MFHAS1: variants seen among roughly 807,000 people sequenced by gnomAD.
MFHAS1 encodes multifunctional ROCO family signaling regulator 1, also known as malignant fibrous histiocytoma-amplified sequence 1.
MFHAS1 carries 50 observed loss-of-function variants against 70.4 expected under a neutral mutation model. That is an observed-to-expected ratio of 0.71 (90% confidence interval 0.57 to 0.90). The LOEUF (loss-of-function observed/expected upper bound fraction) is 0.90. Ranked by LOEUF, MFHAS1 falls within the 40% of genes least tolerant of loss-of-function variation. The probability of loss-of-function intolerance (pLI) is 0.00; values close to 1 mark genes in which losing one functional copy is unlikely to be tolerated. For missense variants in MFHAS1, 1,795 were observed against 1,347.6 expected, an observed-to-expected ratio of 1.33 and a Z score of -5.20; for synonymous variants, 952 against 620.0, an observed-to-expected ratio of 1.54 and a Z score of -7.96.
At position 8,892,932 on chromosome 8, in the gene MFHAS1, C is replaced by A; in HGVS notation, c.127G>T (p.Ala43Ser). ...TLTAAGACPGAGADALESPAS... is the reference protein window; with the variant it reads ...TLTAAGACPGSGADALESPAS... The stretch of plus-strand genomic sequence containing the variant: ...GGGGACTCGAGCGCGTCGGCCCCGG[C>A]CCCGGGGCAGGCCCCGGCGGCGGTA... The change falls in exon 1 of 3, where the codon GCC (alanine) becomes TCC (serine). Residue 43 changes from alanine (A) to serine (S), a missense_variant. Physicochemically the swap from Ala to Ser is moderately conservative, Grantham distance 99 (BLOSUM62 1). Coordinates refer to ENST00000276282, the MANE Select transcript of MFHAS1 (RefSeq NM_004225.3). The surrounding 1 kb of genome is among the most constrained non-coding windows in gnomAD (Gnocchi z 4.7). 6.5e-7 allele frequency: 1 copy of A among 1,548,938 alleles called. No homozygotes were observed. Among genetic ancestry groups the A allele is most frequent in the Non-Finnish European group, 8.7e-7 (1 of 1,150,788 alleles).
chr8:8,843,678 G>A (rs145434054), intron 1 of MFHAS1, among the ~76,000 whole-genome samples: 428 of 152,258 alleles, frequency 2.8e-3, no homozygotes, highest in African/African-American at 9.8e-3. Flanking sequence ...AGGTGAGCAG[G>A]TCCGGTGTGG....
intron 1 of MFHAS1, among the ~76,000 whole-genome samples, chr8:8,857,829 G>C (rs1440262015): frequency 6.6e-6 from 1 of 152,084 alleles, no homozygotes; most frequent in Non-Finnish European, 1.5e-5. Context: ...CAGTGACATT[G>C]ACAAGTTAAC....
chr8:8,891,286 G>T lies in MFHAS1; in HGVS notation c.1773C>A (p.Pro591=). The T allele has an allele frequency of 6.2e-7, 1 of 1,611,772 alleles. No homozygotes were observed. Residue 591 remains proline, a synonymous_variant, in exon 1 of 3, where the codon CCC becomes CCA. Coordinates refer to ENST00000276282, the MANE Select transcript of MFHAS1 (RefSeq NM_004225.3). This position sits in a 1 kb window ranked among gnomAD's most constrained non-coding sequence, Gnocchi z 5.4. Reference sequence around the variant, plus strand: ...CCGAAACGCCATAGTAGGCTGCGTGGGGGCTGGCAGAGCGCAGCTCGAAGT... The same window carrying T: ...CCGAAACGCCATAGTAGGCTGCGTGTGGGCTGGCAGAGCGCAGCTCGAAGT... ...ARDFELRSAS[P]HAAYYGVSDK...
In MFHAS1 at chr8:8,804,599, G is replaced by A. The variant is rs570358315; in HGVS notation, c.2999-7108C>T. 2.0e-5 allele frequency among the ~76,000 whole-genome samples: 3 copies of A among 152,234 alleles called. No individual in the cohort carries two copies. In the South Asian group the frequency reaches 6.2e-4, roughly 32 times the overall value. ...TATCTTCAGTGAGTATTCATGGCCT[G>A]GTCACTAGGCAACACTAAACAAACT... On this transcript the variant is annotated intron_variant, in intron 1 of 2. Coordinates refer to ENST00000276282, the MANE Select transcript of MFHAS1 (RefSeq NM_004225.3).
intron 1 of MFHAS1, among the ~76,000 whole-genome samples, chr8:8,882,929 G>C (rs1369244434): frequency 6.6e-6 from 1 of 152,196 alleles, no homozygotes; most frequent in East Asian, 1.9e-4. Flanking sequence ...GAGGAGGGAG[G>C]ATCATCTGAG....
intron 1 of MFHAS1, among the ~76,000 whole-genome samples, chr8:8,823,181 C>T (rs1034177807): frequency 7.9e-5 from 12 of 152,202 alleles, no homozygotes; most frequent in African/African-American, 2.7e-4. Flanking sequence ...TAACTACAAA[C>T]GGTTTTTCTC....
intron 1 of MFHAS1, among the ~76,000 whole-genome samples, chr8:8,884,475 A>C (rs988284258): frequency 2.6e-5 from 4 of 152,242 alleles, no homozygotes; most frequent in African/African-American, 4.8e-5. Context: ...ACTTAGATAT[A>C]ATAAGGCAAG....
At chr8:8,854,889 TGGGTTTTTG>T (rs1808378747) in intron 1 of MFHAS1, among the ~76,000 whole-genome samples, 1 of 152,080 alleles carries the variant, frequency 6.6e-6, no homozygotes, top group Non-Finnish European at 1.5e-5. Flanking sequence ...TTTTTGGTTT[TGGGTTTTTG>T]GGGTTTTGTT....
At position 8,890,049 on chromosome 8, in the gene MFHAS1, C is replaced by G; in HGVS notation, c.2998+12G>C. 1.3e-6 allele frequency: 2 copies of G among 1,570,948 alleles called. No individual in the cohort carries two copies. The highest frequency in any genetic ancestry group is 1.7e-6 in the Non-Finnish European group (2 of 1,153,756). ...GCATACCACAGAAGAACTTCTCCCT[C>G]TCTCCACTTACCTGGAAAAGCATGT... On this transcript the variant is annotated intron_variant, in intron 1 of 2. Transcript: ENST00000276282.
At chr8:8,872,216 T>C (rs1024033582) in intron 1 of MFHAS1, among the ~76,000 whole-genome samples, 12 of 152,220 alleles carry the variant, frequency 7.9e-5, no homozygotes, top group African/African-American at 2.2e-4. Flanking sequence ...TATTTGTCTA[T>C]GACCAAAGAA....
At chr8:8,852,246 G>C (rs1964719) in intron 1 of MFHAS1, among the ~76,000 whole-genome samples, 52,793 of 152,022 alleles carry the variant, frequency 0.35, 10,661 homozygotes, top group East Asian at 0.74. Context: ...AGCCGAGGCG[G>C]GCAGATCACT....
chr8:8,801,574 T>A (rs1806085971), intron 1 of MFHAS1, among the ~76,000 whole-genome samples: 1 of 152,252 alleles, frequency 6.6e-6, no homozygotes, highest in African/African-American at 2.4e-5. Context: ...AGCTTTTTCC[T>A]TTCAAAATGA....
At chr8:8,820,422 C>A (rs1018214044) in intron 1 of MFHAS1, among the ~76,000 whole-genome samples, 3 of 152,202 alleles carry the variant, frequency 2.0e-5, no homozygotes, top group Non-Finnish European at 4.4e-5. Context: ...ATAACTGCAA[C>A]ATTCTCTTCT....
chr8:8,891,653 C>T lies in MFHAS1; in HGVS notation c.1406G>A (p.Arg469Gln), dbSNP rs766471174. ...GTCATACACGATGAACCGCAGGCCC[C>T]GGGAGGCATCGGCCGTCCAGCTGGT... is the stretch of plus-strand genomic sequence containing the variant. ...EVTSWTADASRGLRFIVYDLA... is the reference protein window; with the variant it reads ...EVTSWTADASQGLRFIVYDLA... The change falls in exon 1 of 3, where the codon CGG (arginine) becomes CAG (glutamine). Residue 469 changes from arginine (R) to glutamine (Q), a missense_variant. Arg to Gln is a conservative substitution (Grantham distance 43). Coordinates refer to ENST00000276282, the MANE Select transcript of MFHAS1 (RefSeq NM_004225.3). The surrounding 1 kb of genome is among the most constrained non-coding windows in gnomAD (Gnocchi z 5.4). 1 of 1,613,628 alleles carries T rather than the reference C, an allele frequency of 6.2e-7. No homozygotes were observed. Among genetic ancestry groups the T allele is most frequent in the Middle Eastern group, 1.6e-4 (1 of 6,062 alleles).
intron 1 of MFHAS1, among the ~76,000 whole-genome samples, chr8:8,878,070 T>C (rs1295561599): frequency 1.3e-5 from 2 of 151,900 alleles, no homozygotes; most frequent in African/African-American, 2.4e-5. Flanking sequence ...GTGGCCTTTC[T>C]GGGAACCCTT....
At chr8:8,884,161 T>G (rs895157067) in intron 1 of MFHAS1, among the ~76,000 whole-genome samples, 3 of 152,018 alleles carry the variant, frequency 2.0e-5, no homozygotes, top group African/African-American at 7.3e-5. Flanking sequence ...AAGAGTCTAT[T>G]CCAGGGTTTA....
chr8:8,832,873 G>A (rs927292001), intron 1 of MFHAS1, among the ~76,000 whole-genome samples: 2 of 152,016 alleles, frequency 1.3e-5, no homozygotes, highest in Non-Finnish European at 2.9e-5. Context: ...ACTATTGGTC[G>A]AATTGTGTAG....
intron 1 of MFHAS1, among the ~76,000 whole-genome samples, chr8:8,806,462 T>A (rs535569191): frequency 3.3e-5 from 5 of 152,358 alleles, no homozygotes; most frequent in African/African-American, 1.2e-4. Context: ...CTGAGTCACC[T>A]ACTAAGAAGG....
chr8:8,861,018 T>C (rs1363659651), intron 1 of MFHAS1, among the ~76,000 whole-genome samples: 1 of 152,200 alleles, frequency 6.6e-6, no homozygotes, highest in East Asian at 1.9e-4. Flanking sequence ...TTAGCGATTA[T>C]GACAGAAAGT....
Sources: allele counts gnomAD v4.1 joint callset (sites outside exome capture counted in the v4.1 genomes callset), GRCh38; gene constraint gnomAD v4.1.1; non-coding constraint Gnocchi (gnomAD v3.1); transcripts MANE v1.5; gene names NCBI Gene and HGNC (gene_info 2026-07-23, HGNC 2026-07-21).